Variants in DAB1 observed in about 807,000 individuals in gnomAD.
DAB1 encodes the protein disabled homolog 1.
Under a neutral mutation model 64.6 loss-of-function variants are expected in DAB1, and 15 were observed. The observed-to-expected ratio is 0.23, with a 90% CI of 0.16 to 0.36. The LOEUF (loss-of-function observed/expected upper bound fraction) is 0.36, where lower values mean the gene tolerates loss of function less well. DAB1 is among the 10% of genes least tolerant of loss of function. DAB1 has a pLI of 1.00. For synonymous variants in DAB1, 235 were observed against 251.9 expected, an observed-to-expected ratio of 0.93 and a Z score of 0.64; for missense variants, 596 against 706.7, an observed-to-expected ratio of 0.84 and a Z score of 1.78.
At chr1:57,837,733 A>C (rs1652867981) in intron 1 of DAB1, among the ~76,000 whole-genome samples, 3 of 151,866 alleles carry the variant, frequency 2.0e-5, no homozygotes, top group African/African-American at 7.3e-5. Flanking sequence ...CTTGCATTTA[A>C]TACTTGAGCA....
chr1:57,303,936 CCTT>C (rs1418738736), intron 1 of DAB1, among the ~76,000 whole-genome samples: 2 of 152,274 alleles, frequency 1.3e-5, no homozygotes, highest in Non-Finnish European at 2.9e-5. Context: ...TCATAGTCCT[CCTT>C]ATTGTGGGGG....
chr1:58,354,598 G>A lies in DAB1; in HGVS notation n.258-11195C>T, dbSNP rs577456473. Among the ~76,000 whole-genome samples the A allele has an allele frequency of 1.1e-4, 16 of 152,220 alleles. No homozygotes were observed. The East Asian group carries it at 1.9e-3, about 18-fold the overall frequency. On this transcript the variant is annotated intron_variant and non_coding_transcript_variant, in intron 3 of 20. Transcript: ENST00000485760. ...TAAAGGTCTTTCGGCCTACTCACAC[G>A]TGTCTCTTATGTGTCTGAGAGGGTG...
At chr1:58,342,901 G>T (rs1231732158) in intron 4 of DAB1, among the ~76,000 whole-genome samples, 1 of 152,048 alleles carries the variant, frequency 6.6e-6, no homozygotes, top group Non-Finnish European at 1.5e-5. Context: ...GTTCAAATTT[G>T]GTGTCTCCAC....
chr1:58,000,752 G>A (rs1353401850), intron 5 of DAB1, among the ~76,000 whole-genome samples: 1 of 151,604 alleles, frequency 6.6e-6, no homozygotes, highest in Non-Finnish European at 1.5e-5. Flanking sequence ...TGTATTTTTA[G>A]TAGGGTCGGG....
chr1:58,249,300 G>A (rs1168099371), intron 4 of DAB1, among the ~76,000 whole-genome samples: 1 of 151,622 alleles, frequency 6.6e-6, no homozygotes. Flanking sequence ...CTATCTTTTC[G>A]GAACAGCTCC....
intron 4 of DAB1, among the ~76,000 whole-genome samples, chr1:58,231,035 T>C (rs939610408): frequency 2.6e-5 from 4 of 152,202 alleles, no homozygotes; most frequent in African/African-American, 9.6e-5. Context: ...ATGGGGACGA[T>C]TATAGTGCCA....
chr1:58,372,147 C>T (rs1385335360), intron 3 of DAB1, among the ~76,000 whole-genome samples: 1 of 152,202 alleles, frequency 6.6e-6, no homozygotes, highest in Non-Finnish European at 1.5e-5. Flanking sequence ...GCACCCAACG[C>T]CAGGCAATGA....
At chr1:58,171,911 G>T (rs1656196332) in intron 4 of DAB1, among the ~76,000 whole-genome samples, 2 of 152,216 alleles carry the variant, frequency 1.3e-5, no homozygotes, top group South Asian at 4.1e-4. Context: ...CAAATATTTA[G>T]GCCTAATCTT....
At chr1:57,536,692 G>GA (rs35045042) in intron 7 of DAB1, among the ~76,000 whole-genome samples, 8,411 of 107,122 alleles carry the variant, frequency 0.079, 424 homozygotes, top group Admixed American at 0.17. Context: ...ATGAGACAAG[G>GA]AAAAAAAAAA....
At chr1:57,751,414 C>T (rs1054090331) in intron 6 of DAB1, among the ~76,000 whole-genome samples, 1 of 152,070 alleles carries the variant, frequency 6.6e-6, no homozygotes, top group African/African-American at 2.4e-5. Flanking sequence ...ACAAAGGGGG[C>T]TCCTGAGCAG....
At chr1:57,069,276 G>T in intron 8 of DAB1, 84 bp downstream of exon 8, 1 of 1,159,820 alleles carries the variant, frequency 8.6e-7, no homozygotes, top group South Asian at 1.3e-5. Context: ...ATGACCAACA[G>T]AACCCTTGGT....
intron 5 of DAB1, among the ~76,000 whole-genome samples, chr1:57,906,955 G>T (rs910527099): frequency 6.6e-6 from 1 of 151,678 alleles, no homozygotes; most frequent in Non-Finnish European, 1.5e-5. Context: ...TAGATAGATA[G>T]ATAGATAGAT....
chr1:58,225,062 T>C (rs1466802704), intron 4 of DAB1, among the ~76,000 whole-genome samples: 1 of 152,090 alleles, frequency 6.6e-6, no homozygotes, highest in East Asian at 1.9e-4. Flanking sequence ...AATCTACTCA[T>C]CTGACAAAGG....
At chr1:57,461,955 T>G (rs1686797455) in intron 7 of DAB1, among the ~76,000 whole-genome samples, 1 of 136,200 alleles carries the variant, frequency 7.3e-6, no homozygotes, top group African/African-American at 3.2e-5. Context: ...TTTTTTTTTT[T>G]TTTTTTTTTT....
chr1:57,813,271 A>T (rs537016363), intron 6 of DAB1, among the ~76,000 whole-genome samples: 1 of 152,350 alleles, frequency 6.6e-6, no homozygotes, highest in East Asian at 1.9e-4. Flanking sequence ...ATGATAATCA[A>T]TTCTTAAGAA....
At position 58,276,822 on chromosome 1, in the gene DAB1, T is replaced by C. The variant is rs1417159782; in HGVS notation, n.309+66530A>G. 2.0e-5 allele frequency among the ~76,000 whole-genome samples: 3 copies of C among 152,138 alleles called. No homozygotes were observed. The East Asian group carries it at 5.8e-4, about 29-fold the overall frequency. On this transcript the variant is annotated intron_variant and non_coding_transcript_variant, in intron 4 of 20. Transcript: ENST00000485760. ...TTTCACTGATTATGCACATCATAAA[T>C]GTCATAGAAATAAAGAATGATAGAG...
chr1:57,930,698 C>T (rs2102036080), intron 5 of DAB1, among the ~76,000 whole-genome samples: 1 of 152,234 alleles, frequency 6.6e-6, no homozygotes, highest in Non-Finnish European at 1.5e-5. Flanking sequence ...GAGTAATTCA[C>T]TTCATATATT....
At chr1:57,698,719 A>G (rs1570749206) in intron 6 of DAB1, among the ~76,000 whole-genome samples, 1 of 152,218 alleles carries the variant, frequency 6.6e-6, no homozygotes, top group East Asian at 1.9e-4. Flanking sequence ...CTCCCTCAGC[A>G]TAGTATATAT....
intron 2 of DAB1, among the ~76,000 whole-genome samples, chr1:57,277,255 G>A (rs1671537922): frequency 6.6e-6 from 1 of 152,094 alleles, no homozygotes; most frequent in African/African-American, 2.4e-5. Context: ...TCCTAACTCT[G>A]CTAGTTTCTA....
Sources: gnomAD v4.1 joint callset for allele counts (sites outside exome capture counted in the v4.1 genomes callset) on GRCh38, gnomAD v4.1.1 for gene constraint, MANE v1.5 for transcripts, NCBI Gene and HGNC (gene_info 2026-07-23, HGNC 2026-07-21) for gene names.